Variants in COL28A1 observed in about 807,000 individuals in gnomAD.
The protein encoded by COL28A1 is collagen type XXVIII alpha 1 chain.
COL28A1 carries 161 observed loss-of-function variants against 150.2 expected under a neutral mutation model. The observed-to-expected ratio is 1.07, with a 90% CI of 0.94 to 1.22. The LOEUF (loss-of-function observed/expected upper bound fraction) is 1.22. Ranked by LOEUF, COL28A1 falls within the 50% of genes most tolerant of loss-of-function variation. The probability of loss-of-function intolerance (pLI) is 0.00; values close to 1 mark genes in which losing one functional copy is unlikely to be tolerated. For missense variants in COL28A1, 1,617 were observed against 1,388.3 expected, an observed-to-expected ratio of 1.16 and a Z score of -2.62; for synonymous variants, 552 against 469.7, an observed-to-expected ratio of 1.18 and a Z score of -2.26.
intron 9 of COL28A1, among the ~76,000 whole-genome samples, chr7:7,507,854 T>C (rs1201860314): frequency 6.6e-6 from 1 of 152,252 alleles, no homozygotes; most frequent in East Asian, 1.9e-4. Flanking sequence ...TCCAGTTTTA[T>C]TCCCAGTAGA....
intron 26 of COL28A1, among the ~76,000 whole-genome samples, chr7:7,419,077 T>C (rs1016014705): frequency 6.6e-6 from 1 of 152,228 alleles, no homozygotes; most frequent in African/African-American, 2.4e-5. Flanking sequence ...GGGTGGTTCA[T>C]TGACATCTAT....
At chr7:7,514,863 A>G (rs1033901127) in intron 8 of COL28A1, among the ~76,000 whole-genome samples, 30 of 152,090 alleles carry the variant, frequency 2.0e-4, no homozygotes, top group Non-Finnish European at 7.4e-5. Flanking sequence ...CCCAACAAAC[A>G]GCTACCATTC....
At position 7,417,932 on chromosome 7, in the gene COL28A1, T is replaced by A; in HGVS notation, c.2068-5A>T. 1.2e-6 allele frequency: 2 copies of A among 1,603,140 alleles called. No homozygotes were observed. The highest frequency in any genetic ancestry group is 2.2e-5 in the South Asian group (2 of 88,990). ...GCCTTTCTGCCCAGTATCACCCTGTTAGAAGATGGGGAGAATTTGAAGACA... is the reference window on the plus strand; with the variant it reads ...GCCTTTCTGCCCAGTATCACCCTGTAAGAAGATGGGGAGAATTTGAAGACA... On this transcript the variant is annotated splice_polypyrimidine_tract_variant and splice_region_variant and intron_variant, in intron 26 of 34. Transcript: ENST00000399429.
chr7:7,390,840 C>G (rs185573346), intron 27 of COL28A1, among the ~76,000 whole-genome samples: 1 of 152,086 alleles, frequency 6.6e-6, no homozygotes, highest in Non-Finnish European at 1.5e-5. Context: ...CAGTGATATC[C>G]CCTTTATCAT....
At chr7:7,535,702 T>G (rs1782604407) in intron 1 of COL28A1, 48 bp downstream of exon 1, 1 of 152,212 alleles carries the variant, frequency 6.6e-6, no homozygotes, top group African/African-American at 2.4e-5. Flanking sequence ...AGTTCCTTGA[T>G]GGTCCTATCT....
chr7:7,373,360 A>C lies in COL28A1; in HGVS notation c.2546T>G (p.Val849Gly), dbSNP rs1319499442. 17 of 1,613,902 alleles carry C rather than the reference A, an allele frequency of 1.1e-5. No individual in the cohort carries two copies. Among genetic ancestry groups the C allele is most frequent in the Non-Finnish European group, 4.2e-6 (5 of 1,180,016 alleles). The change falls in exon 32 of 35, where the codon GTG becomes GGG. Residue 849 changes from valine (V) to glycine (G), a missense_variant. By Grantham distance (109) the Val-to-Gly change is moderately radical. Coordinates refer to ENST00000399429, the MANE Select transcript of COL28A1 (RefSeq NM_001037763.3). The surrounding 1 kb of genome is among the most constrained non-coding windows in gnomAD (Gnocchi z 4.1). Reference sequence around the variant, plus strand: ...GCTGGAGAACTGCTTCAAATTAGCCACCTTCTCCACCTTATGGCTATAGTT... The same window carrying C: ...GCTGGAGAACTGCTTCAAATTAGCCCCCTTCTCCACCTTATGGCTATAGTT... ...IINYSHKVEK[V>G]ANLKQFSSKD...
At chr7:7,386,970 G>A (rs913580484) in intron 27 of COL28A1, among the ~76,000 whole-genome samples, 4 of 152,146 alleles carry the variant, frequency 2.6e-5, no homozygotes, top group Non-Finnish European at 4.4e-5. Flanking sequence ...CCTTCTTGCC[G>A]TGTCCTCACA....
chr7:7,437,348 C>T (rs748663633), intron 22 of COL28A1, 46 bp downstream of exon 22: 1 of 1,555,900 alleles, frequency 6.4e-7, no homozygotes, highest in Non-Finnish European at 8.7e-7. Context: ...TTTTCTCCAA[C>T]TGCCAAAGGG....
intron 27 of COL28A1, among the ~76,000 whole-genome samples, chr7:7,413,085 GGCC>G (rs1783875911): frequency 6.6e-6 from 1 of 152,038 alleles, no homozygotes; most frequent in African/African-American, 2.4e-5. Context: ...TGATCTGTTA[GGCC>G]TGTGACTGTG....
At chr7:7,504,005 C>T (rs570059290) in intron 11 of COL28A1, among the ~76,000 whole-genome samples, 4 of 152,192 alleles carry the variant, frequency 2.6e-5, no homozygotes, top group African/African-American at 9.6e-5. Context: ...TGATGAAGTC[C>T]TCAAATGCTT....
intron 13 of COL28A1, among the ~76,000 whole-genome samples, chr7:7,486,034 A>T (rs1002766449): frequency 3.3e-5 from 5 of 152,214 alleles, no homozygotes; most frequent in Non-Finnish European, 1.5e-5. Flanking sequence ...AAACTTTTAC[A>T]TCAATTTGGG....
intron 15 of COL28A1, among the ~76,000 whole-genome samples, chr7:7,464,559 G>A (rs1364455140): frequency 6.6e-6 from 1 of 152,196 alleles, no homozygotes. Context: ...GCTCCTGAAA[G>A]ATCACTGGGT....
At chr7:7,490,352 A>G (rs900611945) in intron 12 of COL28A1, among the ~76,000 whole-genome samples, 15 of 152,236 alleles carry the variant, frequency 9.9e-5, no homozygotes, top group African/African-American at 3.6e-4. Context: ...GTATTTGGAG[A>G]CAAGTAAGTT....
intron 25 of COL28A1, among the ~76,000 whole-genome samples, chr7:7,425,138 C>G (rs761054266): frequency 6.6e-5 from 10 of 152,102 alleles, no homozygotes; most frequent in Non-Finnish European, 1.3e-4. Context: ...CATTCATTAT[C>G]TTACCTGATC....
At chr7:7,391,172 T>C (rs1782520611) in intron 27 of COL28A1, among the ~76,000 whole-genome samples, 1 of 152,230 alleles carries the variant, frequency 6.6e-6, no homozygotes, top group African/African-American at 2.4e-5. Flanking sequence ...TTCTGGTACC[T>C]TGTATCTTTG....
At chr7:7,533,326 A>G in intron 1 of COL28A1, among the ~76,000 whole-genome samples, 1 of 152,118 alleles carries the variant, frequency 6.6e-6, no homozygotes, top group East Asian at 1.9e-4. Context: ...CTTTCATTAT[A>G]ACTGATTCCT....
intron 33 of COL28A1, among the ~76,000 whole-genome samples, chr7:7,367,373 CA>C (rs1406457910): frequency 6.6e-6 from 1 of 152,156 alleles, no homozygotes; most frequent in African/African-American, 2.4e-5. Context: ...CACGTTTGTT[CA>C]AACTAAATAT....
At chr7:7,438,546 AAC>A (rs1489959352) in intron 21 of COL28A1, among the ~76,000 whole-genome samples, 2 of 152,224 alleles carry the variant, frequency 1.3e-5, no homozygotes, top group African/African-American at 4.8e-5. Flanking sequence ...CCTGGTGAAA[AAC>A]ACTATTCCAG....
In COL28A1 at chr7:7,373,108, C is replaced by G; in HGVS notation, c.2798G>C (p.Gly933Ala). Residue 933 changes from glycine (G) to alanine (A), a missense_variant, in exon 32 of 35, where the codon GGG becomes GCG. Coordinates refer to ENST00000399429, the MANE Select transcript of COL28A1 (RefSeq NM_001037763.3). The surrounding 1 kb of genome is among the most constrained non-coding windows in gnomAD (Gnocchi z 4.1). ...GTTGGGATCATTTTTCTTCACCACCCCTATCACAAATATCTCCACATTGGT... is the reference window on the plus strand; with the variant it reads ...GTTGGGATCATTTTTCTTCACCACCGCTATCACAAATATCTCCACATTGGT... ...SDTNVEIFVI[G>A]VVKKNDPNFE... The G allele has an allele frequency of 1.9e-6, 3 of 1,614,126 alleles. No homozygotes were observed. Among genetic ancestry groups the G allele is most frequent in the Non-Finnish European group, 2.5e-6 (3 of 1,179,978 alleles).
Sources: allele counts gnomAD v4.1 joint callset (sites outside exome capture counted in the v4.1 genomes callset), GRCh38; gene constraint gnomAD v4.1.1; non-coding constraint Gnocchi (gnomAD v3.1); transcripts MANE v1.5; gene names NCBI Gene and HGNC (gene_info 2026-07-23, HGNC 2026-07-21).